GFM1: variants seen among roughly 807,000 people sequenced by gnomAD.
GFM1 encodes the protein elongation factor G, mitochondrial.
GFM1 carries 62 observed loss-of-function variants against 96.2 expected under a neutral mutation model. The observed-to-expected ratio is 0.64, with a 90% confidence interval of 0.53 to 0.80. The LOEUF (loss-of-function observed/expected upper bound fraction) is 0.80, where lower values mean the gene tolerates loss of function less well. GFM1 is among the 30% of genes least tolerant of loss of function. GFM1 has a pLI of 0.00. For synonymous variants in GFM1, 282 were observed against 312.9 expected, an observed-to-expected ratio of 0.90 and a Z score of 1.04; for missense variants, 852 against 916.6, an observed-to-expected ratio of 0.93 and a Z score of 0.91.
intron 5 of GFM1, 190 bp downstream of exon 5, chr3:158,649,347 A>G (rs1373045061): frequency 2.1e-6 from 1 of 465,970 alleles, no homozygotes; most frequent in South Asian, 2.2e-5. Flanking sequence ...ATTCTGTGAG[A>G]GACTATGTTA....
At chr3:158,655,483 C>CG (rs938500248) in intron 8 of GFM1, among the ~76,000 whole-genome samples, 3 of 107,188 alleles carry the variant, frequency 2.8e-5, no homozygotes, top group East Asian at 2.2e-4. Flanking sequence ...GACTTCATCT[C>CG]GGAAAAAAAA....
intron 11 of GFM1, among the ~76,000 whole-genome samples, chr3:158,664,747 G>C (rs573549127): frequency 2.3e-4 from 35 of 152,280 alleles, no homozygotes; most frequent in Non-Finnish European, 4.7e-4. Context: ...CCTTTACTAT[G>C]TAAGGCAGCG....
At chr3:158,655,664 A>G (rs1722691726) in intron 8 of GFM1, 3 of 212,180 alleles carry the variant, frequency 1.4e-5, no homozygotes, top group Non-Finnish European at 2.9e-5. Context: ...TTTTAAAGAA[A>G]AGTTATGAAG....
At chr3:158,649,774 A>G (rs1722142614) in intron 5 of GFM1, 2 of 500,762 alleles carry the variant, frequency 4.0e-6, no homozygotes, top group South Asian at 3.4e-5. Context: ...GTTCATAACA[A>G]TCCCCTGGAG....
intron 4 of GFM1, among the ~76,000 whole-genome samples, chr3:158,648,445 G>T (rs1420601134): frequency 6.6e-6 from 1 of 152,088 alleles, no homozygotes; most frequent in African/African-American, 2.4e-5. Context: ...TTGGGAGGCC[G>T]AGGCGGGTGG....
rs1046781981 is a variant in GFM1, at chr3:158,692,953, A to T, written c.*1486A>T. 6.6e-6 allele frequency among the ~76,000 whole-genome samples: 1 copy of T among 152,110 alleles called. No individual in the cohort carries two copies. Among genetic ancestry groups the T allele is most frequent in the Admixed American group, 6.6e-5 (1 of 15,266 alleles). ...AGCTCTCTGCCTGCCCCAGCCTCCCAAAGTGCTGGGATTATGGGCATGAAC... is the reference window on the plus strand; with the variant it reads ...AGCTCTCTGCCTGCCCCAGCCTCCCTAAGTGCTGGGATTATGGGCATGAAC... On this transcript the variant is annotated 3_prime_UTR_variant, in exon 18 of 18. Coordinates refer to ENST00000486715, the MANE Select transcript of GFM1 (RefSeq NM_024996.7).
At chr3:158,678,609 A>G (rs1472136439) in intron 13 of GFM1, among the ~76,000 whole-genome samples, 2 of 152,250 alleles carry the variant, frequency 1.3e-5, no homozygotes, top group Non-Finnish European at 1.5e-5. Flanking sequence ...ACTTGAACAG[A>G]TGAGGAGATC....
At chr3:158,665,858 T>C (rs1224311797) in intron 12 of GFM1, among the ~76,000 whole-genome samples, 1 of 152,126 alleles carries the variant, frequency 6.6e-6, no homozygotes, top group Non-Finnish European at 1.5e-5. Flanking sequence ...CATTATAATA[T>C]AGATAAAAGG....
intron 13 of GFM1, among the ~76,000 whole-genome samples, chr3:158,668,452 T>C (rs1723932073): frequency 1.3e-5 from 2 of 152,196 alleles, no homozygotes; most frequent in Non-Finnish European, 2.9e-5. Flanking sequence ...GAGGCCTGAC[T>C]GTATATTGTA....
intron 9 of GFM1, chr3:158,660,559 T>G: frequency 2.9e-6 from 1 of 347,862 alleles, no homozygotes; most frequent in Non-Finnish European, 5.5e-6. Context: ...GTACATGCCT[T>G]TTAATTCCAT....
rs78050260 is a variant in GFM1 at position 158,654,326 on chromosome 3, A to T, written c.999-221A>T. Among the ~76,000 whole-genome samples, 2,304 of 144,300 alleles carry T rather than the reference A, an allele frequency of 0.016. 69 individuals carry two copies. The highest frequency in any genetic ancestry group is 0.057 in the African/African-American group (2,178 of 38,452). The allele number at this position is 144,300 out of a possible 152,430, so 94.7% of individuals were successfully genotyped here. On this transcript the variant is annotated intron_variant, in intron 7 of 17. Transcript: ENST00000486715. ...ACTCCTGAGCTCAAGTGATCCTCTC[A>T]CTTCTGTTTCCCAAAGTGTGGGCAT... is the stretch of plus-strand genomic sequence containing the variant.
At chr3:158,686,999 C>T (rs1725918030) in intron 15 of GFM1, among the ~76,000 whole-genome samples, 1 of 151,342 alleles carries the variant, frequency 6.6e-6, no homozygotes, top group Non-Finnish European at 1.5e-5. Flanking sequence ...TTCCAAAGTG[C>T]TGGGATTACT....
chr3:158,691,184 T>C lies in GFM1; in HGVS notation c.2116T>C (p.Cys706Arg). 6.2e-7 allele frequency: 1 copy of C among 1,612,536 alleles called. No individual in the cohort carries two copies. The highest frequency in any genetic ancestry group is 8.5e-7 in the Non-Finnish European group (1 of 1,178,582). The change falls in exon 17 of 18, where the codon TGC becomes CGC. Residue 706 changes from cysteine (C) to arginine (R), a missense_variant. By Grantham distance (180) the Cys-to-Arg change is radical (BLOSUM62 -3). Coordinates refer to ENST00000486715, the MANE Select transcript of GFM1 (RefSeq NM_024996.7). ...TGGTTATTCCACTGAACTTAGGTCA[T>C]GCACAGAGGTAGGCAAATTTAAACT... The part of the protein sequence containing the change: ...MFGYSTELRS[C>R]TEGKGEYTME...
At chr3:158,691,247 A>G in intron 17 of GFM1, 55 bp downstream of exon 17, 1 of 1,604,198 alleles carries the variant, frequency 6.2e-7, no homozygotes, top group South Asian at 1.1e-5. Flanking sequence ...TGATCATATT[A>G]TAAAATCTTG....
rs1466013549 is a variant in GFM1 at position 158,690,330 on chromosome 3, A to G, written c.2070+7A>G. On this transcript the variant is annotated splice_region_variant and intron_variant, in intron 16 of 17. Transcript: ENST00000486715. ...TTTTACACTGTATGCAGATGTAAGT[A>G]GTCTTGGTCATTGGCAGTCCTGCTT... 8 of 1,612,916 alleles carry G rather than the reference A, an allele frequency of 5.0e-6. No individual in the cohort carries two copies. Among genetic ancestry groups the G allele is most frequent in the Admixed American group, 1.7e-5 (1 of 60,020 alleles).
chr3:158,675,598 C>G (rs1256358559), intron 13 of GFM1, among the ~76,000 whole-genome samples: 1 of 151,898 alleles, frequency 6.6e-6, no homozygotes, highest in Non-Finnish European at 1.5e-5. Context: ...GTTACTGATT[C>G]AATCAGTTGT....
intron 8 of GFM1, among the ~76,000 whole-genome samples, chr3:158,657,941 G>T (rs1722895743): frequency 1.3e-5 from 2 of 151,874 alleles, no homozygotes; most frequent in African/African-American, 4.8e-5. Flanking sequence ...ATCTGTCAGG[G>T]TTAGTTTTAT....
At chr3:158,652,036 A>G in intron 5 of GFM1, 60 bp from the exon 6 acceptor site, 1 of 1,406,230 alleles carries the variant, frequency 7.1e-7, no homozygotes, top group Non-Finnish European at 1.0e-6. Flanking sequence ...TATATTTTTC[A>G]TTAGTCCTTC....
Position 158,695,189 on chromosome 3 carries a change from C to G in GFM1, c.*3722C>G, listed in dbSNP as rs1726497186. Among the ~76,000 whole-genome samples the G allele has an allele frequency of 6.6e-6, 1 of 151,956 alleles. No homozygotes were observed. The highest frequency in any genetic ancestry group is 6.6e-5 in the Admixed American group (1 of 15,248). On this transcript the variant is annotated 3_prime_UTR_variant, in exon 18 of 18. Transcript: ENST00000486715. ...AGGAGTTCGAGACCACCCTGGCCAA[C>G]ACGGTGAAACCCCGTCTCTACTATA...
Sources: allele counts gnomAD v4.1 joint callset (sites outside exome capture counted in the v4.1 genomes callset), GRCh38; gene constraint gnomAD v4.1.1; transcripts MANE v1.5; gene names NCBI Gene and HGNC (gene_info 2026-07-23, HGNC 2026-07-21).